Variants in NDST4 observed in about 807,000 individuals in gnomAD.
NDST4 encodes N-heparan sulfate sulfotransferase 4.
In NDST4, 63 loss-of-function variants were observed where a neutral mutation model predicts 100.8. The observed-to-expected ratio is 0.62, with a 90% CI of 0.51 to 0.77. NDST4 has a LOEUF of 0.77. Among genes scored for constraint, NDST4 ranks in the 30% least tolerant of loss-of-function variants. The pLI, the probability that NDST4 is intolerant of heterozygous loss-of-function variation, is 0.00. For missense variants in NDST4, 943 were observed against 1,018.4 expected (o/e 0.93, Z 1.01); for synonymous variants, 377 against 361.8 (o/e 1.04, Z -0.48).
At chr4:115,074,068 T>C (rs1322387421) in intron 2 of NDST4, among the ~76,000 whole-genome samples, 1 of 151,960 alleles carries the variant, frequency 6.6e-6, no homozygotes. Context: ...ACTCAATATA[T>C]AGGATATAAT....
intron 4 of NDST4, among the ~76,000 whole-genome samples, chr4:114,962,903 A>G (rs1726296019): frequency 1.3e-5 from 2 of 152,108 alleles, no homozygotes; most frequent in Admixed American, 1.3e-4. Context: ...TGACTATAAT[A>G]AAGGTAGATA....
At chr4:115,111,111 T>C (rs1453428258) in intron 1 of NDST4, among the ~76,000 whole-genome samples, 6 of 151,984 alleles carry the variant, frequency 3.9e-5, no homozygotes, top group East Asian at 1.9e-4. Flanking sequence ...GTTTGATCTT[T>C]GGATTTTATT....
At chr4:114,838,886 G>A (rs998232089) in intron 11 of NDST4, among the ~76,000 whole-genome samples, 4 of 148,890 alleles carry the variant, frequency 2.7e-5, no homozygotes, top group African/African-American at 7.5e-5. Flanking sequence ...TCTATCTCAT[G>A]TTCCTGTAGC....
intron 6 of NDST4, among the ~76,000 whole-genome samples, chr4:114,904,674 CAGAA>C (rs1446508424): frequency 2.0e-5 from 3 of 151,470 alleles, no homozygotes; most frequent in African/African-American, 7.3e-5. Flanking sequence ...AAATATTTGA[CAGAA>C]AGAATGTTGT....
At chr4:115,023,038 G>A (rs770728704) in intron 2 of NDST4, among the ~76,000 whole-genome samples, 13 of 152,298 alleles carry the variant, frequency 8.5e-5, no homozygotes, top group Middle Eastern at 3.4e-3. Context: ...GCTAAGCTAT[G>A]AGGATGCAAA....
At chr4:114,863,362 C>A (rs571822574) in intron 7 of NDST4, among the ~76,000 whole-genome samples, 1 of 152,210 alleles carries the variant, frequency 6.6e-6, no homozygotes, top group Non-Finnish European at 1.5e-5. Context: ...CCAAATCTGG[C>A]GTTCTCTCTG....
intron 4 of NDST4, among the ~76,000 whole-genome samples, chr4:114,943,090 AT>A (rs1725785333): frequency 6.8e-6 from 1 of 147,430 alleles, no homozygotes; most frequent in Non-Finnish European, 1.5e-5. Context: ...TATAATTTAA[AT>A]TATATTATAT....
In NDST4 at chr4:114,906,522, G is replaced by C. The variant is rs1241100382; in HGVS notation, c.1536+28684C>G. ...TTGGTTAACCCATTCTGTCTCTCTA[G>C]TTCAGTTAATTTCGCAGGCCTACCA... On this transcript the variant is annotated intron_variant, in intron 6 of 13. Transcript: ENST00000264363. Among the ~76,000 whole-genome samples the C allele has an allele frequency of 2.0e-5, 3 of 151,808 alleles. No individual in the cohort carries two copies. In the East Asian group the frequency reaches 5.8e-4, roughly 29 times the overall value.
intron 4 of NDST4, among the ~76,000 whole-genome samples, chr4:114,957,799 A>G (rs979788232): frequency 2.0e-5 from 3 of 152,230 alleles, no homozygotes; most frequent in Non-Finnish European, 4.4e-5. Context: ...CTATGGGCCC[A>G]TGAAAGTCCA....
chr4:114,855,788 TA>T (rs772564427), intron 7 of NDST4, among the ~76,000 whole-genome samples: 43 of 152,230 alleles, frequency 2.8e-4, no homozygotes, highest in Non-Finnish European at 5.4e-4. Context: ...ATTTTAGGAT[TA>T]TTTTTTATAT....
At chr4:114,979,114 T>C (rs1726707947) in intron 2 of NDST4, among the ~76,000 whole-genome samples, 1 of 151,880 alleles carries the variant, frequency 6.6e-6, no homozygotes. Flanking sequence ...ACCTCCTACA[T>C]TTCCCAGTGC....
chr4:114,968,292 A>G (rs2126239834), intron 4 of NDST4, among the ~76,000 whole-genome samples: 1 of 152,332 alleles, frequency 6.6e-6, no homozygotes. Context: ...AGTACTAATG[A>G]ATCACAACAG....
At position 115,034,587 on chromosome 4, in the gene NDST4, G is replaced by C. The variant is rs1578471696; in HGVS notation, c.978+41472C>G. On this transcript the variant is annotated intron_variant, in intron 2 of 13. Transcript: ENST00000264363. ...GGAATCAAAATTCTATTGCTTTAAA[G>C]ATATATGTTTACCTTAATCTGGGAG... Among the ~76,000 whole-genome samples the C allele has an allele frequency of 2.0e-5, 3 of 152,042 alleles. No homozygotes were observed. The East Asian group carries it at 5.8e-4, about 29-fold the overall frequency.
At chr4:115,054,356 A>G (rs1728648782) in intron 2 of NDST4, among the ~76,000 whole-genome samples, 2 of 152,122 alleles carry the variant, frequency 1.3e-5, no homozygotes, top group Admixed American at 1.3e-4. Context: ...TATTTTCTTT[A>G]TGACTTGGTG....
chr4:114,857,450 C>A (rs1186490272), intron 7 of NDST4, among the ~76,000 whole-genome samples: 2 of 152,130 alleles, frequency 1.3e-5, no homozygotes, highest in African/African-American at 4.8e-5. Flanking sequence ...AAATAAGTGG[C>A]CCATGATTCT....
At chr4:115,086,239 T>C (rs1462735587) in intron 1 of NDST4, among the ~76,000 whole-genome samples, 1 of 152,144 alleles carries the variant, frequency 6.6e-6, no homozygotes, top group Admixed American at 6.5e-5. Context: ...CCTTTCAGCT[T>C]CCAGGCCAAA....
chr4:114,910,042 T>G (rs1270613500), intron 6 of NDST4, among the ~76,000 whole-genome samples: 1 of 152,198 alleles, frequency 6.6e-6, no homozygotes, highest in Non-Finnish European at 1.5e-5. Flanking sequence ...ATTTATGAGC[T>G]AGTTCTTTAT....
intron 7 of NDST4, among the ~76,000 whole-genome samples, chr4:114,858,408 T>A (rs1056627734): frequency 6.6e-6 from 1 of 152,136 alleles, no homozygotes; most frequent in African/African-American, 2.4e-5. Context: ...GGAAACTTCT[T>A]TCTGGTAAAG....
intron 2 of NDST4, among the ~76,000 whole-genome samples, chr4:114,980,712 A>C (rs1481271583): frequency 6.6e-6 from 1 of 151,088 alleles, no homozygotes; most frequent in Non-Finnish European, 1.5e-5. Context: ...AATATACATT[A>C]TTTATTTAAT....
Sources: allele counts gnomAD v4.1 joint callset (sites outside exome capture counted in the v4.1 genomes callset), GRCh38; gene constraint gnomAD v4.1.1; transcripts MANE v1.5; gene names NCBI Gene and HGNC (gene_info 2026-07-23, HGNC 2026-07-21).